JADE1: variants seen among roughly 807,000 people sequenced by gnomAD.
The protein encoded by JADE1 is protein Jade-1.
JADE1 carries 14 observed loss-of-function variants against 81.8 expected under a neutral mutation model. The ratio of observed to expected loss-of-function variants is 0.17; its 90% confidence interval spans 0.11 to 0.27. The LOEUF is 0.27. Ranked by LOEUF, JADE1 falls within the 10% of genes least tolerant of loss-of-function variation. The pLI is 1.00. For missense variants in JADE1, 690 were observed against 1,047.9 expected, an observed-to-expected ratio of 0.66 and a Z score of 4.71; for synonymous variants, 353 against 391.9, an observed-to-expected ratio of 0.90 and a Z score of 1.17.
chr4:128,836,564 G>A (rs1485778477), intron 2 of JADE1, among the ~76,000 whole-genome samples: 5 of 152,034 alleles, frequency 3.3e-5, no homozygotes, highest in African/African-American at 1.2e-4. Flanking sequence ...AGTGAACTGG[G>A]CAGTTAAAAC....
At chr4:128,860,712 T>G (rs1731247921) in intron 8 of JADE1, among the ~76,000 whole-genome samples, 1 of 152,210 alleles carries the variant, frequency 6.6e-6, no homozygotes, top group Non-Finnish European at 1.5e-5. Flanking sequence ...AGAGGCTTGT[T>G]GTCTGGATCA....
At position 128,831,806 on chromosome 4, in the gene JADE1, T is replaced by C. The variant is rs752616011; in HGVS notation, c.48T>C (p.Asn16=). The C allele has an allele frequency of 5.0e-6, 8 of 1,613,858 alleles. No homozygotes were observed. The highest frequency in any genetic ancestry group is 6.8e-6 in the Non-Finnish European group (8 of 1,179,736). ...LPSSSEDSDD[N]GSLSTTWSQN... The stretch of plus-strand genomic sequence containing the variant: ...GCAGCAGTGAGGATTCTGACGACAA[T>C]GGCAGTAAGTCCTGCTTTGTTGTTC... The change falls in exon 2 of 11, where the codon AAT becomes AAC. Residue 16 remains asparagine, a synonymous_variant. Coordinates refer to ENST00000226319, the MANE Select transcript of JADE1 (RefSeq NM_199320.4).
At chr4:128,859,909 G>C (rs1057175940) in intron 8 of JADE1, among the ~76,000 whole-genome samples, 1 of 152,188 alleles carries the variant, frequency 6.6e-6, no homozygotes, top group Non-Finnish European at 1.5e-5. Context: ...ATTCCTCTCT[G>C]AAATGTCTGC....
intron 5 of JADE1, 151 bp downstream of exon 5, chr4:128,849,318 C>A (rs1301914585): frequency 4.5e-6 from 3 of 667,656 alleles, no homozygotes; most frequent in Non-Finnish European, 7.4e-6. Flanking sequence ...TGCCTTAGAT[C>A]TCAGCCTGTT....
chr4:128,850,738 A>C (rs987776076), intron 5 of JADE1, among the ~76,000 whole-genome samples: 4 of 152,198 alleles, frequency 2.6e-5, no homozygotes, highest in African/African-American at 7.2e-5. Context: ...ACTTGACTGG[A>C]ATCTAGGTGT....
At position 128,861,910 on chromosome 4, in the gene JADE1, G is replaced by T; in HGVS notation, c.1188G>T (p.Pro396=). The change falls in exon 9 of 11, where the codon CCG becomes CCT. Residue 396 remains proline, a synonymous_variant. Coordinates refer to ENST00000226319, the MANE Select transcript of JADE1 (RefSeq NM_199320.4). ...NGAPECSPRN[P]LEPFASLEQN... is the part of the protein sequence containing the mutation. ...CCCCTGAGTGTTCCCCCCGGAATCCGCTGGAGCCCTTTGCCAGCCTTGAGC... is the reference window on the plus strand; with the variant it reads ...CCCCTGAGTGTTCCCCCCGGAATCCTCTGGAGCCCTTTGCCAGCCTTGAGC... 6.2e-7 allele frequency: 1 copy of T among 1,614,064 alleles called. No individual in the cohort carries two copies. Among genetic ancestry groups the T allele is most frequent in the Non-Finnish European group, 8.5e-7 (1 of 1,179,946 alleles).
intron 10 of JADE1, among the ~76,000 whole-genome samples, chr4:128,868,677 TA>T: frequency 6.6e-6 from 1 of 152,304 alleles, no homozygotes; most frequent in East Asian, 1.9e-4. Context: ...CCGTTGATCT[TA>T]AAGTTTGTTT....
intron 9 of JADE1, chr4:128,862,456 A>C: frequency 7.2e-7 from 1 of 1,395,988 alleles, no homozygotes; most frequent in South Asian, 1.7e-5. Context: ...TTTTTTAAAA[A>C]CACTTTCCCA....
intron 1 of JADE1, among the ~76,000 whole-genome samples, chr4:128,824,683 A>G (rs1247236702): frequency 6.6e-6 from 1 of 152,230 alleles, no homozygotes; most frequent in Admixed American, 6.5e-5. Flanking sequence ...TAAGGCATTC[A>G]TCCAGTAGGT....
At chr4:128,815,719 T>C (rs760602815) in intron 1 of JADE1, among the ~76,000 whole-genome samples, 8 of 152,186 alleles carry the variant, frequency 5.3e-5, no homozygotes, top group Non-Finnish European at 8.8e-5. Flanking sequence ...TGCTTGCTGC[T>C]TTACTTTCTT....
chr4:128,872,328 G>A lies in JADE1; in HGVS notation c.*66G>A, dbSNP rs1732257013. On this transcript the variant is annotated 3_prime_UTR_variant, in exon 11 of 11. Coordinates refer to ENST00000226319, the MANE Select transcript of JADE1 (RefSeq NM_199320.4). ...GGGTTTGCTAGAGGAGAGCTCTGATGTGGGGGAGAAGCAGAAACCCATTAA... is the reference window on the plus strand; with the variant it reads ...GGGTTTGCTAGAGGAGAGCTCTGATATGGGGGAGAAGCAGAAACCCATTAA... 2.2e-6 allele frequency: 3 copies of A among 1,384,872 alleles called. No homozygotes were observed. The highest frequency in any genetic ancestry group is 3.0e-6 in the Non-Finnish European group (3 of 1,000,750). 85.8% of individuals were successfully genotyped at this position (1,384,872 alleles called of 1,614,324 possible).
chr4:128,825,446 G>T (rs138242402), intron 1 of JADE1, among the ~76,000 whole-genome samples: 220 of 152,212 alleles, frequency 1.4e-3, no homozygotes, highest in Middle Eastern at 6.8e-3. Flanking sequence ...GAACTTGTTC[G>T]CTCAAATTCC....
rs1290618155 is a variant in JADE1 at position 128,874,390 on chromosome 4, G to A, written c.*2128G>A. 2 of 152,402 alleles carry A rather than the reference G, an allele frequency of 1.3e-5. No individual in the cohort carries two copies. 9.4% of individuals were successfully genotyped at this position (152,402 alleles called of 1,614,324 possible). A position where few individuals can be genotyped will look rare whatever the true frequency, so the allele number is the denominator to read the frequency against. ...TTCATTTGCACTATTAGGAATGCTAGTTTTGTGCAAAAATAATGCCTTACC... is the reference window on the plus strand; with the variant it reads ...TTCATTTGCACTATTAGGAATGCTAATTTTGTGCAAAAATAATGCCTTACC... On this transcript the variant is annotated 3_prime_UTR_variant, in exon 11 of 11. Transcript: ENST00000226319.
At chr4:128,851,314 C>A (rs1254284221) in intron 5 of JADE1, among the ~76,000 whole-genome samples, 1 of 152,030 alleles carries the variant, frequency 6.6e-6, no homozygotes, top group Non-Finnish European at 1.5e-5. Flanking sequence ...ATTTGAGTGC[C>A]CAAAGTGAAA....
At chr4:128,826,532 GTT>G (rs567412444) in intron 1 of JADE1, among the ~76,000 whole-genome samples, 9 of 127,330 alleles carry the variant, frequency 7.1e-5, no homozygotes, top group Non-Finnish European at 1.0e-4. Context: ...TAATTTTTGT[GTT>G]TTTTTTTTTT....
chr4:128,821,619 C>T (rs569544763), intron 1 of JADE1, among the ~76,000 whole-genome samples: 29 of 151,982 alleles, frequency 1.9e-4, no homozygotes, highest in South Asian at 1.5e-3. Flanking sequence ...CTCAGCCTCC[C>T]GAGTAGAGTA....
intron 1 of JADE1, among the ~76,000 whole-genome samples, chr4:128,812,376 C>T (rs561520391): frequency 6.6e-6 from 1 of 151,392 alleles, no homozygotes; most frequent in Non-Finnish European, 1.5e-5. Context: ...CATTCCCCGG[C>T]GGGCGGCGGG....
At chr4:128,831,457 A>G (rs547376778) in intron 1 of JADE1, 1 of 400,548 alleles carries the variant, frequency 2.5e-6, no homozygotes, top group Admixed American at 4.2e-5. Context: ...GAGTAGTTAT[A>G]GTAATAATGT....
At chr4:128,812,404 G>A (rs1028985238) in intron 1 of JADE1, among the ~76,000 whole-genome samples, 1 of 151,888 alleles carries the variant, frequency 6.6e-6, no homozygotes, top group Non-Finnish European at 1.5e-5. Flanking sequence ...CGGAGCGTTC[G>A]CCGCTGCGGG....
Sources: allele counts gnomAD v4.1 joint callset (sites outside exome capture counted in the v4.1 genomes callset), GRCh38; gene constraint gnomAD v4.1.1; transcripts MANE v1.5; gene names NCBI Gene and HGNC (gene_info 2026-07-23, HGNC 2026-07-21).